DENND4A: variants seen among roughly 807,000 people sequenced by gnomAD.
DENND4A encodes DENN domain containing 4A.
A neutral mutation model predicts 199.3 loss-of-function variants in DENND4A; 70 were observed. That is an observed-to-expected ratio of 0.35 (90% CI 0.29 to 0.43). The LOEUF is 0.43. Among genes scored for constraint, DENND4A ranks in the 20% least tolerant of loss-of-function variants. The pLI is 1.00. For missense variants in DENND4A, 1,723 were observed against 2,255.8 expected, an observed-to-expected ratio of 0.76 and a Z score of 4.78; for synonymous variants, 686 against 766.9, an observed-to-expected ratio of 0.89 and a Z score of 1.74.
In DENND4A at chr15:65,661,809, A is replaced by T. The variant is rs2075850629; in HGVS notation, c.*42T>A. The T allele has an allele frequency of 6.6e-7, 1 of 1,512,494 alleles. No homozygotes were observed. The highest frequency in any genetic ancestry group is 1.4e-5 in the African/African-American group (1 of 71,918). 93.7% of individuals were successfully genotyped at this position (1,512,494 alleles called of 1,614,324 possible). The stretch of plus-strand genomic sequence containing the variant: ...TCTAAAAGTGTTATTTTATACACTG[A>T]CTATACAATATACATTGAATGTTTA... On this transcript the variant is annotated 3_prime_UTR_variant, in exon 33 of 33. Coordinates refer to ENST00000443035, the MANE Select transcript of DENND4A (RefSeq NM_001320835.1).
chr15:65,732,533 CTTCT>C (rs1472310843), intron 8 of DENND4A, among the ~76,000 whole-genome samples: 1 of 152,094 alleles, frequency 6.6e-6, no homozygotes, highest in African/African-American at 2.4e-5. Context: ...CTTCAACCTA[CTTCT>C]TTAATTCTTG....
In DENND4A at chr15:65,693,195, T is replaced by C. The variant is rs556513925; in HGVS notation, c.3083-1684A>G. Among the ~76,000 whole-genome samples the C allele has an allele frequency of 1.7e-3, 256 of 152,318 alleles. 1 individual carries two copies. Among genetic ancestry groups the C allele is most frequent in the African/African-American group, 5.7e-3 (237 of 41,588 alleles). On this transcript the variant is annotated intron_variant, in intron 22 of 32. Coordinates refer to ENST00000443035, the MANE Select transcript of DENND4A (RefSeq NM_001320835.1). ...AACTTCCTTGGGCTAGGTGGCTCTA[T>C]GACATAATTCCGGCCAGTGATATTA...
Position 65,660,216 on chromosome 15 carries a change from A to T in DENND4A, c.*1635T>A. 2.3e-6 allele frequency: 3 copies of T among 1,288,102 alleles called. No homozygotes were observed. Among genetic ancestry groups the T allele is most frequent in the Non-Finnish European group, 3.3e-6 (3 of 921,840 alleles). The allele number at this position is 1,288,102 out of a possible 1,614,324, so 79.8% of individuals were successfully genotyped here. On this transcript the variant is annotated 3_prime_UTR_variant, in exon 33 of 33. Transcript: ENST00000443035. Reference sequence around the variant, plus strand: ...TGCCTAGCACCAGATTTTTCAAGTAAGCAAGTTCAGCCCCAAACTAACTGA... The same window carrying T: ...TGCCTAGCACCAGATTTTTCAAGTATGCAAGTTCAGCCCCAAACTAACTGA...
At chr15:65,775,778 T>A (rs1404082430) in intron 1 of DENND4A, among the ~76,000 whole-genome samples, 1 of 151,598 alleles carries the variant, frequency 6.6e-6, no homozygotes, top group African/African-American at 2.4e-5. Context: ...TACAACTGCC[T>A]CTTGAAAAAG....
intron 4 of DENND4A, among the ~76,000 whole-genome samples, chr15:65,748,210 G>GGAC (rs1268787719): frequency 1.3e-5 from 2 of 151,822 alleles, no homozygotes; most frequent in Non-Finnish European, 2.9e-5. Flanking sequence ...AATGATAATA[G>GGAC]GACACTGTAA....
intron 15 of DENND4A, among the ~76,000 whole-genome samples, chr15:65,704,085 T>C (rs2074965657): frequency 1.3e-5 from 2 of 152,168 alleles, no homozygotes; most frequent in African/African-American, 2.4e-5. Flanking sequence ...CAATGTTGAG[T>C]AGGAAACAGC....
In DENND4A at chr15:65,660,050, TC is replaced by T. The variant is rs916722772; in HGVS notation, c.*1800del. ...ATGTTTATCACCAGTGCCAAAAGCC[TC>T]CCCCCTCTGAAATGTTTCTCTCAGT... On this transcript the variant is annotated 3_prime_UTR_variant, in exon 33 of 33. Coordinates refer to ENST00000443035, the MANE Select transcript of DENND4A (RefSeq NM_001320835.1). 1.1e-5 allele frequency: 5 copies of T among 452,898 alleles called. No individual in the cohort carries two copies. Among genetic ancestry groups the T allele is most frequent in the Middle Eastern group, 6.1e-4 (1 of 1,652 alleles). The allele number at this position is 452,898 out of a possible 1,614,324, so 28.1% of individuals were successfully genotyped here.
chr15:65,786,849 T>C (rs781273224), intron 1 of DENND4A, among the ~76,000 whole-genome samples: 1 of 152,114 alleles, frequency 6.6e-6, no homozygotes, highest in African/African-American at 2.4e-5. Context: ...TATTAAAAGA[T>C]AAACTAGAAG....
intron 1 of DENND4A, chr15:65,772,014 G>C (rs2077144350): frequency 9.8e-6 from 14 of 1,434,612 alleles, no homozygotes; most frequent in African/African-American, 1.4e-5. Context: ...TTATGCGCAG[G>C]CCAAGGGCAG....
At chr15:65,695,507 T>G (rs2077115086) in intron 22 of DENND4A, among the ~76,000 whole-genome samples, 1 of 152,210 alleles carries the variant, frequency 6.6e-6, no homozygotes, top group South Asian at 2.1e-4. Flanking sequence ...ATTTGGTCCT[T>G]GGGCCTTAGT....
intron 32 of DENND4A, among the ~76,000 whole-genome samples, chr15:65,663,656 T>C (rs2075946666): frequency 6.6e-6 from 1 of 152,162 alleles, no homozygotes; most frequent in African/African-American, 2.4e-5. Flanking sequence ...CTTCTGTTGA[T>C]TCTTTTTTTA....
At chr15:65,676,285 T>C (rs1466851712) in intron 24 of DENND4A, among the ~76,000 whole-genome samples, 160 bp downstream of exon 24, 4 of 151,802 alleles carry the variant, frequency 2.6e-5, no homozygotes, top group African/African-American at 9.7e-5. Flanking sequence ...AAGTTATACT[T>C]TTGTGAAAGT....
At chr15:65,767,594 C>T (rs2077019933) in intron 1 of DENND4A, among the ~76,000 whole-genome samples, 5 of 152,118 alleles carry the variant, frequency 3.3e-5, no homozygotes, top group Admixed American at 3.3e-4. Flanking sequence ...AGGCATGAAC[C>T]ACCTGTAATC....
chr15:65,722,224 C>T (rs143915614), intron 12 of DENND4A, among the ~76,000 whole-genome samples: 15 of 152,192 alleles, frequency 9.9e-5, no homozygotes, highest in Middle Eastern at 3.4e-3. Context: ...GGCTCATGCC[C>T]GTAATCCCAG....
In DENND4A at chr15:65,791,997, C is replaced by T. The variant is rs1001444007; in HGVS notation, c.-102+13G>A. The T allele has an allele frequency of 6.6e-6, 1 of 152,340 alleles. No homozygotes were observed. Among genetic ancestry groups the T allele is most frequent in the African/African-American group, 2.4e-5 (1 of 41,458 alleles). The allele number at this position is 152,340 out of a possible 1,614,324, so 9.4% of individuals were successfully genotyped here. The stretch of plus-strand genomic sequence containing the variant: ...CCTGCCACCGCTGCCCGGGTCGCCG[C>T]CCCCGCACTCACCACCCAGCTGGCT... On this transcript the variant is annotated intron_variant, in intron 1 of 32. Transcript: ENST00000443035.
chr15:65,759,539 C>T (rs2076799539), intron 2 of DENND4A, among the ~76,000 whole-genome samples: 2 of 152,042 alleles, frequency 1.3e-5, no homozygotes, highest in South Asian at 2.1e-4. Context: ...GTTTTATTTA[C>T]ATACTAATGG....
chr15:65,715,368 A>ATGAAAT, intron 14 of DENND4A, 110 bp downstream of exon 14: 1 of 1,101,364 alleles, frequency 9.1e-7, no homozygotes, highest in Non-Finnish European at 1.2e-6. Context: ...AACGATGAAA[A>ATGAAAT]TGAAATTAAT....
chr15:65,748,401 T>C (rs1256816526), intron 4 of DENND4A, among the ~76,000 whole-genome samples: 1 of 152,020 alleles, frequency 6.6e-6, no homozygotes, highest in Non-Finnish European at 1.5e-5. Context: ...GAGGATTGCT[T>C]GAGGCCAGGA....
chr15:65,770,843 A>C (rs1422932394), intron 1 of DENND4A, among the ~76,000 whole-genome samples: 1 of 152,220 alleles, frequency 6.6e-6, no homozygotes, highest in Non-Finnish European at 1.5e-5. Context: ...TCATTCCATA[A>C]ATCTTTACAT....
Sources: allele counts gnomAD v4.1 joint callset (sites outside exome capture counted in the v4.1 genomes callset), GRCh38; gene constraint gnomAD v4.1.1; transcripts MANE v1.5; gene names NCBI Gene and HGNC (gene_info 2026-07-23, HGNC 2026-07-21).